RTCA: variants seen among roughly 807,000 people sequenced by gnomAD.
RTCA encodes the protein RNA 3'-terminal phosphate cyclase.
RTCA carries 37 observed loss-of-function variants against 46.1 expected under a neutral mutation model. The ratio of observed to expected loss-of-function variants is 0.80; its 90% CI spans 0.62 to 1.06. The LOEUF (loss-of-function observed/expected upper bound fraction) is 1.06. Ranked by LOEUF, RTCA falls within the 50% of genes least tolerant of loss-of-function variation. The pLI, the probability that RTCA is intolerant of heterozygous loss-of-function variation, is 0.00. For missense variants in RTCA, 435 were observed against 455.5 expected (o/e 0.95, Z 0.41); for synonymous variants, 164 against 158.3 (o/e 1.04, Z -0.27).
intron 8 of RTCA, among the ~76,000 whole-genome samples, chr1:100,278,900 TA>T: frequency 6.6e-6 from 1 of 152,358 alleles, no homozygotes; most frequent in East Asian, 1.9e-4. Context: ...ACCTCAGACG[TA>T]TTGAATTAGA....
chr1:100,288,123 A>C (rs187951921), intron 10 of RTCA, among the ~76,000 whole-genome samples: 1 of 152,282 alleles, frequency 6.6e-6, no homozygotes, highest in Non-Finnish European at 1.5e-5. Context: ...AACAATAGGT[A>C]TATTTCATCA....
At chr1:100,273,575 TAA>T (rs1666216605) in intron 5 of RTCA, 123 bp downstream of exon 5, 4 of 513,748 alleles carry the variant, frequency 7.8e-6, no homozygotes, top group South Asian at 3.4e-5. Context: ...TTGTAAGAAG[TAA>T]TTGTACTTTG....
intron 4 of RTCA, among the ~76,000 whole-genome samples, chr1:100,271,866 T>C (rs1666117444): frequency 6.6e-6 from 1 of 152,220 alleles, no homozygotes; most frequent in African/African-American, 2.4e-5. Flanking sequence ...CCTCAGCCCC[T>C]GGCAACTGCT....
rs116538743 is a variant in RTCA at position 100,274,929 on chromosome 1, T to C, written c.579T>C (p.Tyr193=). Reference sequence around the variant, plus strand: ...AGCGTGGCTGTGTGACTAAGATATATGGAAGAGCTTTCGTTGCTGGTGTTT... The same window carrying C: ...AGCGTGGCTGTGTGACTAAGATATACGGAAGAGCTTTCGTTGCTGGTGTTT... ...LTERGCVTKI[Y]GRAFVAGVLP... is the part of the protein sequence containing the mutation. The change falls in exon 6 of 11, where the codon TAT becomes TAC. Residue 193 remains tyrosine, a synonymous_variant. Coordinates refer to ENST00000370128, the MANE Select transcript of RTCA (RefSeq NM_003729.4). 0.013 allele frequency: 20,574 copies of C among 1,611,728 alleles called. 176 individuals carry two copies. Among genetic ancestry groups the C allele is most frequent in the Non-Finnish European group, 0.016 (18,637 of 1,178,286 alleles).
At chr1:100,266,645 A>C in intron 2 of RTCA, 21 bp downstream of exon 2, 1 of 1,566,908 alleles carries the variant, frequency 6.4e-7, no homozygotes, top group African/African-American at 1.4e-5. Context: ...CTGGAGGGGG[A>C]GTTGGGCCGT....
chr1:100,277,526 C>G (rs978141476), intron 8 of RTCA, among the ~76,000 whole-genome samples: 8 of 152,168 alleles, frequency 5.3e-5, no homozygotes, highest in African/African-American at 1.2e-4. Flanking sequence ...AGTTGAATGA[C>G]TAGTTCAACT....
Position 100,287,086 on chromosome 1 carries a change from C to CT in RTCA, c.895-7dup. The CT allele has an allele frequency of 1.3e-6, 2 of 1,520,266 alleles. No individual in the cohort carries two copies. The highest frequency in any genetic ancestry group is 1.8e-6 in the Non-Finnish European group (2 of 1,135,552). The allele number at this position is 1,520,266 out of a possible 1,614,324, so 94.2% of individuals were successfully genotyped here. A position where few individuals can be genotyped will look rare whatever the true frequency, so the allele number is the denominator to read the frequency against. On this transcript the variant is annotated splice_polypyrimidine_tract_variant and intron_variant, in intron 9 of 10. Coordinates refer to ENST00000370128, the MANE Select transcript of RTCA (RefSeq NM_003729.4). ...TAAATGTGTGAGGTTTTTCTTTGTT[C>CT]TTTTTTAAATAGCTGATTGTTTTCA...
rs779912217 is a variant in RTCA at position 100,277,427 on chromosome 1, A to C, written c.799+111A>C. On this transcript the variant is annotated intron_variant, in intron 8 of 10. Coordinates refer to ENST00000370128, the MANE Select transcript of RTCA (RefSeq NM_003729.4). Reference sequence around the variant, plus strand: ...GATGAAAGTTTAAAAGGATGTAGTTAATTGATTCTCTTTTAGAGTCAATTA... The same window carrying C: ...GATGAAAGTTTAAAAGGATGTAGTTCATTGATTCTCTTTTAGAGTCAATTA... 181 of 963,186 alleles carry C rather than the reference A, an allele frequency of 1.9e-4. 3 individuals are homozygous for C. The South Asian group carries it at 1.9e-3, about 10-fold the overall frequency. The allele number at this position is 963,186 out of a possible 1,614,324, so 59.7% of individuals were successfully genotyped here.
chr1:100,277,802 T>TGG (rs202209662), intron 8 of RTCA, among the ~76,000 whole-genome samples: 63 of 149,976 alleles, frequency 4.2e-4, no homozygotes, highest in South Asian at 8.5e-4. Context: ...TTTTTTTTTT[T>TGG]GGGGGGGGGC....
At chr1:100,274,656 A>C (rs1666273122) in intron 5 of RTCA, among the ~76,000 whole-genome samples, 168 bp from the exon 6 acceptor site, 1 of 152,204 alleles carries the variant, frequency 6.6e-6, no homozygotes, top group African/African-American at 2.4e-5. Flanking sequence ...GTACAGACAA[A>C]ATTTTGTTTT....
chr1:100,270,966 T>A (rs542550472), intron 4 of RTCA, among the ~76,000 whole-genome samples: 241 of 151,974 alleles, frequency 1.6e-3, no homozygotes, highest in African/African-American at 5.7e-3. Context: ...CCAATTTTTT[T>A]AAATTTTTTG....
At chr1:100,268,717 G>A (rs1047555307) in intron 3 of RTCA, among the ~76,000 whole-genome samples, 1 of 151,954 alleles carries the variant, frequency 6.6e-6, no homozygotes, top group Non-Finnish European at 1.5e-5. Context: ...TTGAATTAAT[G>A]AAATTCATTA....
At chr1:100,269,482 C>T (rs936536154) in intron 3 of RTCA, among the ~76,000 whole-genome samples, 2 of 150,562 alleles carry the variant, frequency 1.3e-5, no homozygotes, top group African/African-American at 4.9e-5. Context: ...TACAGGCGTG[C>T]ACCACAATGC....
chr1:100,287,538 G>A (rs1302680074), intron 10 of RTCA, among the ~76,000 whole-genome samples: 1 of 152,046 alleles, frequency 6.6e-6, no homozygotes, highest in African/African-American at 2.4e-5. Context: ...ATCACTGTGT[G>A]GTACTGCCTT....
At chr1:100,270,893 T>A (rs1485050689) in intron 4 of RTCA, among the ~76,000 whole-genome samples, 1 of 151,700 alleles carries the variant, frequency 6.6e-6, no homozygotes, top group Admixed American at 6.6e-5. Flanking sequence ...CTCAACCTCC[T>A]GAGCTCAAGC....
rs967844946 is a variant in RTCA, at chr1:100,274,814, C to G, written c.474-10C>G. ...TCAGTTTATGTGGGCATTTGTTATA[C>G]TTTTCATAGGGGATATTACCCAAAA... On this transcript the variant is annotated splice_polypyrimidine_tract_variant and intron_variant, in intron 5 of 10. Coordinates refer to ENST00000370128, the MANE Select transcript of RTCA (RefSeq NM_003729.4). 8.1e-6 allele frequency: 13 copies of G among 1,599,502 alleles called. No individual in the cohort carries two copies. The African/African-American group carries it at 1.3e-4, about 16-fold the overall frequency.
intron 6 of RTCA, 40 bp from the exon 7 acceptor site, chr1:100,275,559 A>G (rs1666323068): frequency 6.6e-7 from 1 of 1,508,500 alleles, no homozygotes; most frequent in Non-Finnish European, 8.9e-7. Context: ...CCAAATAATC[A>G]GTAATTGTTT....
chr1:100,270,885 C>T (rs1570874593), intron 4 of RTCA, among the ~76,000 whole-genome samples: 1 of 151,652 alleles, frequency 6.6e-6, no homozygotes, highest in African/African-American at 2.4e-5. Context: ...ACTGCATACT[C>T]AACCTCCTGA....
At chr1:100,286,730 G>A (rs1303829465) in intron 9 of RTCA, among the ~76,000 whole-genome samples, 2 of 152,048 alleles carry the variant, frequency 1.3e-5, no homozygotes, top group Non-Finnish European at 2.9e-5. Context: ...TCCCAGTAAA[G>A]TCCCAGTATT....
Sources: allele counts gnomAD v4.1 joint callset (sites outside exome capture counted in the v4.1 genomes callset), GRCh38; gene constraint gnomAD v4.1.1; transcripts MANE v1.5; gene names NCBI Gene and HGNC (gene_info 2026-07-23, HGNC 2026-07-21).